UBE4B: variants seen among roughly 807,000 people sequenced by gnomAD.
UBE4B encodes ubiquitination factor E4B.
A neutral mutation model predicts 148.1 loss-of-function variants in UBE4B; 27 were observed. The ratio of observed to expected loss-of-function variants is 0.18; its 90% confidence interval spans 0.13 to 0.25. The LOEUF (loss-of-function observed/expected upper bound fraction) is 0.25, where lower values mean the gene tolerates loss of function less well. Among genes scored for constraint, UBE4B ranks in the 10% least tolerant of loss-of-function variants. UBE4B has a pLI of 1.00. For synonymous variants in UBE4B, 596 were observed against 619.3 expected, an observed-to-expected ratio of 0.96 and a Z score of 0.56; for missense variants, 1,170 against 1,662.4, an observed-to-expected ratio of 0.70 and a Z score of 5.15.
chr1:10,139,001 T>C (rs1327855853), intron 17 of UBE4B, among the ~76,000 whole-genome samples: 1 of 152,218 alleles, frequency 6.6e-6, no homozygotes, highest in Non-Finnish European at 1.5e-5. Context: ...TAATATTCTG[T>C]TTAGGATTTT....
chr1:10,096,265 G>A (rs1570879611), intron 3 of UBE4B, among the ~76,000 whole-genome samples: 2 of 152,070 alleles, frequency 1.3e-5, no homozygotes, highest in Admixed American at 6.6e-5. Context: ...TGCTTCGTAC[G>A]GATCAAGGTG....
In UBE4B at chr1:10,178,793, C is replaced by T; in HGVS notation, c.3675C>T (p.Tyr1225=). The change falls in exon 26 of 28, where the codon TAC becomes TAT. Residue 1225 remains tyrosine, a synonymous_variant. Coordinates refer to ENST00000343090, the MANE Select transcript of UBE4B (RefSeq NM_001105562.3). ...AGAACGCACGCGCAGAAATCGACTA[C>T]AGCGACGCTCCTGATGAGTTCAGAG... The part of the protein sequence containing the change: ...VAKNARAEID[Y]SDAPDEFRDP... 1 of 1,612,562 alleles carries T rather than the reference C, an allele frequency of 6.2e-7. No individual in the cohort carries two copies. The highest frequency in any genetic ancestry group is 8.5e-7 in the Non-Finnish European group (1 of 1,179,534).
intron 2 of UBE4B, among the ~76,000 whole-genome samples, chr1:10,079,549 A>C (rs917056032): frequency 6.6e-6 from 1 of 152,262 alleles, no homozygotes; most frequent in Non-Finnish European, 1.5e-5. Flanking sequence ...AGATTGTAAT[A>C]CAGTTATTTA....
intron 20 of UBE4B, among the ~76,000 whole-genome samples, chr1:10,149,791 T>G (rs1167466068): frequency 6.6e-6 from 1 of 152,188 alleles, no homozygotes; most frequent in African/African-American, 2.4e-5. Flanking sequence ...AGAATTACAA[T>G]TTCAATCCCT....
At chr1:10,134,863 TG>T in intron 15 of UBE4B, 124 bp from the exon 16 acceptor site, 1 of 735,544 alleles carries the variant, frequency 1.4e-6, no homozygotes, top group Non-Finnish European at 2.2e-6. Flanking sequence ...TGCTTGAGCC[TG>T]GGAGGTGGAG....
chr1:10,095,630 T>C (rs1215611642), intron 3 of UBE4B, 34 bp downstream of exon 3: 1 of 1,613,132 alleles, frequency 6.2e-7, no homozygotes. Flanking sequence ...TATGCTCTTT[T>C]ATTTAGGGAA....
chr1:10,037,102 A>T (rs1362779398), intron 1 of UBE4B, among the ~76,000 whole-genome samples: 2 of 152,158 alleles, frequency 1.3e-5, no homozygotes, highest in East Asian at 3.9e-4. Flanking sequence ...ATCTTGGCTC[A>T]TTGCAACCTC....
intron 2 of UBE4B, among the ~76,000 whole-genome samples, chr1:10,089,301 A>G (rs915502744): frequency 1.3e-5 from 2 of 152,020 alleles, no homozygotes; most frequent in Admixed American, 6.6e-5. Flanking sequence ...CACCGTGCTC[A>G]GCCAAGAACA....
intron 1 of UBE4B, among the ~76,000 whole-genome samples, chr1:10,049,892 C>CAAAA (rs776583824): frequency 0.034 from 2,879 of 85,052 alleles, 32 homozygotes; most frequent in Non-Finnish European, 0.042. Context: ...GACCCTGTCT[C>CAAAA]AAAAAAAAAA....
chr1:10,039,670 C>T (rs1643683170), intron 1 of UBE4B, among the ~76,000 whole-genome samples: 1 of 151,572 alleles, frequency 6.6e-6, no homozygotes, highest in Non-Finnish European at 1.5e-5. Flanking sequence ...AAACTCCTGA[C>T]CTCAAGTGGC....
chr1:10,162,571 G>A (rs1470848617), intron 23 of UBE4B, among the ~76,000 whole-genome samples: 1 of 150,790 alleles, frequency 6.6e-6, no homozygotes, highest in Non-Finnish European at 1.5e-5. Flanking sequence ...GCCTCCCAAA[G>A]TGCTGGGACT....
chr1:10,168,409 G>A lies in UBE4B; in HGVS notation c.3333+139G>A. Reference sequence around the variant, plus strand: ...TAAGTGAAATTCTGTGACTGATTTTGTTCCCAGTTATGCTAATTGATACCA... The same window carrying A: ...TAAGTGAAATTCTGTGACTGATTTTATTCCCAGTTATGCTAATTGATACCA... On this transcript the variant is annotated intron_variant, in intron 24 of 27. Transcript: ENST00000343090. This position sits in a 1 kb window ranked among gnomAD's most constrained non-coding sequence, Gnocchi z 4.9. The A allele has an allele frequency of 7.4e-7, 1 of 1,360,164 alleles. No homozygotes were observed. Among genetic ancestry groups the A allele is most frequent in the Non-Finnish European group, 9.9e-7 (1 of 1,010,740 alleles). 84.3% of individuals were successfully genotyped at this position (1,360,164 alleles called of 1,614,324 possible).
intron 1 of UBE4B, among the ~76,000 whole-genome samples, chr1:10,065,964 A>G (rs1206634980): frequency 1.3e-5 from 2 of 151,994 alleles, no homozygotes; most frequent in Non-Finnish European, 2.9e-5. Context: ...ATAACATAAA[A>G]ATATGCCTCA....
intron 1 of UBE4B, among the ~76,000 whole-genome samples, chr1:10,036,140 A>G (rs1643524388): frequency 6.8e-6 from 1 of 146,304 alleles, no homozygotes; most frequent in South Asian, 2.1e-4. Context: ...GCTTTTGCAT[A>G]CTTGAGTTTT....
chr1:10,114,060 G>A (rs746001883), intron 7 of UBE4B, among the ~76,000 whole-genome samples: 7 of 118,206 alleles, frequency 5.9e-5, no homozygotes, highest in East Asian at 2.6e-4. Flanking sequence ...GCGAGACTCC[G>A]TCTCAAAAAA....
chr1:10,135,437 C>T (rs777269375), intron 16 of UBE4B, among the ~76,000 whole-genome samples: 2 of 151,990 alleles, frequency 1.3e-5, no homozygotes, highest in Non-Finnish European at 2.9e-5. Context: ...AACCCCGTCT[C>T]TACTAAAAAT....
intron 11 of UBE4B, 103 bp downstream of exon 11, chr1:10,126,980 TC>T: frequency 1.9e-6 from 2 of 1,056,676 alleles, no homozygotes; most frequent in Non-Finnish European, 2.9e-6. Context: ...AACCTTGTTT[TC>T]AAATTTAAAA....
chr1:10,131,427 G>C (rs1344447855), intron 14 of UBE4B, among the ~76,000 whole-genome samples: 1 of 152,112 alleles, frequency 6.6e-6, no homozygotes, highest in Non-Finnish European at 1.5e-5. Context: ...GGAGGTTGCA[G>C]TGAGCCAAGA....
At chr1:10,145,082 T>G (rs749477702) in intron 18 of UBE4B, 43 bp downstream of exon 18, 13 of 1,509,252 alleles carry the variant, frequency 8.6e-6, no homozygotes, top group Non-Finnish European at 1.2e-5. Flanking sequence ...AGCCTCATAG[T>G]GATAATTTTC....
Sources: gnomAD v4.1 joint callset for allele counts (sites outside exome capture counted in the v4.1 genomes callset) on GRCh38, gnomAD v4.1.1 for gene constraint, Gnocchi (gnomAD v3.1) non-coding constraint, MANE v1.5 for transcripts, NCBI Gene and HGNC (gene_info 2026-07-23, HGNC 2026-07-21) for gene names.